The following AGT variants were observed in gnomAD, a reference collection of about 807,000 sequenced individuals.
The protein encoded by AGT is angiotensinogen, also known as alpha-1 antiproteinase, antitrypsin.
In AGT, 26 loss-of-function variants were observed where a neutral mutation model predicts 28.1. The ratio of observed to expected loss-of-function variants is 0.92; its 90% CI spans 0.68 to 1.28. The LOEUF (loss-of-function observed/expected upper bound fraction) is 1.28, where lower values mean the gene tolerates loss of function less well. Among genes scored for constraint, AGT ranks in the 50% most tolerant of loss-of-function variants. The probability of loss-of-function intolerance (pLI) is 0.00; values close to 1 mark genes in which losing one functional copy is unlikely to be tolerated. For synonymous variants in AGT, 259 were observed against 259.6 expected (o/e 1.00, Z 0.02); for missense variants, 596 against 592.3 (o/e 1.01, Z -0.06).
chr1:230,735,622 C>T (rs957956017), intron 1 of AGT, among the ~76,000 whole-genome samples: 1 of 152,086 alleles, frequency 6.6e-6, no homozygotes, highest in African/African-American at 2.4e-5. Context: ...GCACTTGTCA[C>T]CCTGCTCCAC....
chr1:230,720,706 C>G (rs1466895290), intron 1 of AGT, among the ~76,000 whole-genome samples: 1 of 152,198 alleles, frequency 6.6e-6, no homozygotes, highest in African/African-American at 2.4e-5. Flanking sequence ...TCATGCCCAC[C>G]TTTGAGTAGA....
In AGT at chr1:230,702,803, GT is replaced by G; in HGVS notation, c.*337del. The G allele has an allele frequency of 3.3e-6, 1 of 298,950 alleles. No homozygotes were observed. The highest frequency in any genetic ancestry group is 6.3e-6 in the Non-Finnish European group (1 of 159,020). 18.5% of individuals were successfully genotyped at this position (298,950 alleles called of 1,614,324 possible). On this transcript the variant is annotated 3_prime_UTR_variant, in exon 5 of 5. Transcript: ENST00000366667. ...CAACTTGAAAAGGGAACACTTTTTTGTTTCACAAACAAGCTGGTCGGTTGGA... is the reference window on the plus strand; with the variant it reads ...CAACTTGAAAAGGGAACACTTTTTTGTTCACAAACAAGCTGGTCGGTTGGA...
upstream of AGT, chr1:230,714,229 AC>A (rs1663678477): frequency 1.3e-5 from 2 of 152,266 alleles, no homozygotes; most frequent in African/African-American, 2.4e-5. Context: ...ACTTGGCCAG[AC>A]CACAGGCTGG....
rs61762530 is a variant in AGT, at chr1:230,706,168, G to T, written c.862C>A (p.Pro288Thr). The T allele has an allele frequency of 3.1e-6, 5 of 1,613,850 alleles. No individual in the cohort carries two copies. In the South Asian group the frequency reaches 5.5e-5, roughly 18 times the overall value. Residue 288 changes from proline to threonine, a missense_variant, in exon 3 of 5, where the codon CCC (proline) becomes ACC (threonine). Coordinates refer to ENST00000366667, the MANE Select transcript of AGT (RefSeq NM_001384479.1). ...KMKGFSLLAE[P>T]QEFWVDNSTS... is the part of the protein sequence containing the mutation. ...CTGTTGTCCACCCAGAACTCCTGGG[G>T]CTCGGCCAGCAGGGAGAAGCCCTTC...
chr1:230,709,454 T>C (rs1354142777), intron 2 of AGT, among the ~76,000 whole-genome samples: 1 of 144,408 alleles, frequency 6.9e-6, no homozygotes, highest in Non-Finnish European at 1.5e-5. Flanking sequence ...AAAAAAAAAA[T>C]CAACAATCTT....
intron 1 of AGT, among the ~76,000 whole-genome samples, chr1:230,744,511 G>T (rs878968899): frequency 6.6e-6 from 1 of 152,150 alleles, no homozygotes; most frequent in Admixed American, 6.5e-5. Context: ...ACTCCCTCCC[G>T]CAGACATTCT....
chr1:230,712,991 G>A (rs546887578), intron 1 of AGT, among the ~76,000 whole-genome samples: 18 of 152,264 alleles, frequency 1.2e-4, no homozygotes, highest in South Asian at 2.1e-4. Context: ...CATTTGCAGG[G>A]CACTGTTCTC....
chr1:230,716,940 G>A (rs1334148857), upstream of AGT, among the ~76,000 whole-genome samples: 2 of 151,596 alleles, frequency 1.3e-5, no homozygotes, highest in East Asian at 3.9e-4. Context: ...GACTGTTACT[G>A]TGTCTATATA....
At chr1:230,743,883 A>G (rs1275844211) in intron 1 of AGT, among the ~76,000 whole-genome samples, 2 of 152,256 alleles carry the variant, frequency 1.3e-5, no homozygotes, top group Non-Finnish European at 2.9e-5. Context: ...AGTTCGCCAC[A>G]GGCCTGAGTG....
At chr1:230,716,980 G>T (rs182342893), upstream of AGT, among the ~76,000 whole-genome samples, 8 of 151,218 alleles carry the variant, frequency 5.3e-5, no homozygotes, top group African/African-American at 1.9e-4. Context: ...ACTCCATTTT[G>T]AAAAAGAGCT....
At chr1:230,731,738 A>G (rs1571986565) in intron 1 of AGT, among the ~76,000 whole-genome samples, 1 of 152,076 alleles carries the variant, frequency 6.6e-6, no homozygotes, top group East Asian at 1.9e-4. Flanking sequence ...ATGGTGGCAC[A>G]CACCTGTAAT....
chr1:230,742,716 A>C (rs1374085986), intron 1 of AGT, among the ~76,000 whole-genome samples: 4 of 152,174 alleles, frequency 2.6e-5, no homozygotes, highest in African/African-American at 7.2e-5. Flanking sequence ...GTTCCACTTC[A>C]TGATTAGCTG....
intron 1 of AGT, among the ~76,000 whole-genome samples, chr1:230,740,531 G>T (rs1664229080): frequency 6.6e-6 from 1 of 152,198 alleles, no homozygotes; most frequent in Non-Finnish European, 1.5e-5. Context: ...CAGAAGAAGA[G>T]AGATAGAGTA....
chr1:230,729,830 C>T (rs1245734160), intron 1 of AGT, among the ~76,000 whole-genome samples: 1 of 152,102 alleles, frequency 6.6e-6, no homozygotes, highest in Non-Finnish European at 1.5e-5. Context: ...TGAATTTCTA[C>T]TCTTCTCTAA....
At chr1:230,723,702 C>T (rs931579688) in intron 1 of AGT, among the ~76,000 whole-genome samples, 7 of 151,944 alleles carry the variant, frequency 4.6e-5, no homozygotes, top group African/African-American at 1.5e-4. Flanking sequence ...GATGTGAGTC[C>T]GAGTGATTGT....
At chr1:230,720,474 G>A (rs541221218) in intron 1 of AGT, among the ~76,000 whole-genome samples, 11 of 151,722 alleles carry the variant, frequency 7.3e-5, no homozygotes, top group African/African-American at 2.4e-4. Context: ...CCTACTAAGG[G>A]CAGGAGGAGG....
Position 230,720,252 on chromosome 1 carries a change from A to C in AGT, c.-30-9399T>G, listed in dbSNP as rs554782998. Among the ~76,000 whole-genome samples the C allele has an allele frequency of 3.9e-5, 6 of 152,304 alleles. No individual in the cohort carries two copies. In the South Asian group the frequency reaches 1.2e-3, roughly 32 times the overall value. ...GTTCCAACTGATTTCTGCTAGTTTT[A>C]TCTCACAAGCAGAGGGAGTTTCAGC... On this transcript the variant is annotated intron_variant, in intron 1 of 4. Coordinates refer to the AGT transcript ENST00000681269.
At chr1:230,733,388 CT>C (rs1664100296) in intron 1 of AGT, among the ~76,000 whole-genome samples, 1 of 152,174 alleles carries the variant, frequency 6.6e-6, no homozygotes, top group Admixed American at 6.5e-5. Context: ...TCCAAATACA[CT>C]TTTCCACATT....
upstream of AGT, among the ~76,000 whole-genome samples, chr1:230,717,946 C>G (rs1243725014): frequency 6.6e-6 from 1 of 152,118 alleles, no homozygotes; most frequent in Non-Finnish European, 1.5e-5. Context: ...CCCATTTCAC[C>G]CAGGAGAAAT....
Sources: allele counts gnomAD v4.1 joint callset (sites outside exome capture counted in the v4.1 genomes callset), GRCh38; gene constraint gnomAD v4.1.1; transcripts MANE v1.5; gene names NCBI Gene and HGNC (gene_info 2026-07-23, HGNC 2026-07-21).